Variants in DGKH observed in about 807,000 individuals in gnomAD.
DGKH encodes the protein diacylglycerol kinase eta.
Under a neutral mutation model 159.3 loss-of-function variants are expected in DGKH, and 90 were observed. The ratio of observed to expected loss-of-function variants is 0.57; its 90% CI spans 0.48 to 0.67. DGKH has a LOEUF of 0.67. DGKH is among the 30% of genes least tolerant of loss of function. The pLI is 0.00. For synonymous variants in DGKH, 536 were observed against 553.8 expected, an observed-to-expected ratio of 0.97 and a Z score of 0.45; for missense variants, 1,181 against 1,506.1, an observed-to-expected ratio of 0.78 and a Z score of 3.57.
At chr13:42,077,503 A>G (rs911420788) in intron 1 of DGKH, among the ~76,000 whole-genome samples, 4 of 152,208 alleles carry the variant, frequency 2.6e-5, no homozygotes, top group Non-Finnish European at 5.9e-5. Flanking sequence ...TCCAAGATAT[A>G]AAAAAGGATC....
intron 11 of DGKH, among the ~76,000 whole-genome samples, chr13:42,172,074 C>T (rs188938898): frequency 8.6e-4 from 130 of 151,632 alleles, no homozygotes; most frequent in Admixed American, 6.1e-3. Flanking sequence ...GTGATCCGCC[C>T]GCCTCGGCCT....
In DGKH at chr13:42,189,169, C is replaced by T. The variant is rs543303090; in HGVS notation, c.1772C>T (p.Ser591Phe). Residue 591 changes from serine to phenylalanine, a missense_variant, in exon 15 of 30, where the codon TCC becomes TTC. Ser to Phe is a radical substitution (Grantham distance 155). This residue lies in a region of DGKH where 257 missense variants were observed against 281.5 expected (regional missense o/e 0.91). Transcript: ENST00000337343. The part of the protein sequence containing the change: ...EDAVESSSEE[S>F]LGESKEQLGD... ...GCTGTGGAATCGTCCAGTGAAGAGTCCCTGGGTGAAAGCAAAGAGCAGCTT... is the reference window on the plus strand; with the variant it reads ...GCTGTGGAATCGTCCAGTGAAGAGTTCCTGGGTGAAAGCAAAGAGCAGCTT... The T allele has an allele frequency of 6.2e-7, 1 of 1,614,230 alleles. No individual in the cohort carries two copies. Among genetic ancestry groups the T allele is most frequent in the African/African-American group, 1.3e-5 (1 of 75,062 alleles).
intron 21 of DGKH, among the ~76,000 whole-genome samples, chr13:42,206,604 G>A (rs185384540): frequency 6.7e-6 from 1 of 150,084 alleles, no homozygotes; most frequent in African/African-American, 2.5e-5. Flanking sequence ...CAAGGTGTCA[G>A]CTGGGCTGTT....
At chr13:42,151,611 A>ACCC (rs1477125673) in intron 3 of DGKH, among the ~76,000 whole-genome samples, 2 of 100,570 alleles carry the variant, frequency 2.0e-5, no homozygotes, top group Non-Finnish European at 4.2e-5. Context: ...ACACACACAC[A>ACCC]CACCCCATGG....
rs147915717 is a variant in DGKH at position 42,183,076 on chromosome 13, C to A, written c.1539-3973C>A. On this transcript the variant is annotated intron_variant, in intron 13 of 29. Transcript: ENST00000337343. The stretch of plus-strand genomic sequence containing the variant: ...GGCCAAGGTGGGAGGATTACTTGAG[C>A]CCAGGAGTTCAAGACCAGCCTGGGC... 3.6e-3 allele frequency among the ~76,000 whole-genome samples: 543 copies of A among 152,140 alleles called. 7 individuals carry two copies. The East Asian group carries it at 0.047, about 13-fold the overall frequency.
chr13:42,155,404 G>C lies in DGKH; in HGVS notation c.489+9G>C, dbSNP rs1469759764. 49 of 1,604,506 alleles carry C rather than the reference G, an allele frequency of 3.1e-5. No homozygotes were observed. Among genetic ancestry groups the C allele is most frequent in the Non-Finnish European group, 4.2e-5 (49 of 1,174,678 alleles). On this transcript the variant is annotated intron_variant, in intron 4 of 29. Transcript: ENST00000337343. ...CCAGAGAACCCTACGAGGTAAAATA[G>C]CATCTTTTCTTTCATCTCGTGTTCT...
intron 28 of DGKH, 24 bp from the exon 29 acceptor site, chr13:42,221,240 G>A: frequency 6.8e-6 from 11 of 1,611,914 alleles, no homozygotes; most frequent in Non-Finnish European, 7.6e-6. Context: ...GAAATTAAGG[G>A]GGTTTTGCTC....
At chr13:42,248,597 G>A (rs1426876329) in intron 29 of DGKH, among the ~76,000 whole-genome samples, 2 of 145,414 alleles carry the variant, frequency 1.4e-5, no homozygotes, top group Non-Finnish European at 3.0e-5. Flanking sequence ...TAATTTCAAT[G>A]TAATAATTTA....
At chr13:42,219,135 T>C in intron 26 of DGKH, 95 bp from the exon 27 acceptor site, 2 of 1,479,384 alleles carry the variant, frequency 1.4e-6, no homozygotes, top group Non-Finnish European at 1.8e-6. Flanking sequence ...TAATAAGGAG[T>C]GAGGCTGTTC....
intron 24 of DGKH, among the ~76,000 whole-genome samples, chr13:42,212,539 A>G (rs1458727484): frequency 6.6e-6 from 1 of 152,174 alleles, no homozygotes; most frequent in Non-Finnish European, 1.5e-5. Flanking sequence ...TCATCCTGTG[A>G]ACCAACCAAA....
chr13:42,095,152 AC>A (rs1954497686), intron 1 of DGKH, among the ~76,000 whole-genome samples: 2 of 93,932 alleles, frequency 2.1e-5, no homozygotes, highest in South Asian at 7.1e-4. Context: ...ATAAATGTTG[AC>A]TCCTTTTTTT....
chr13:42,163,497 A>G (rs1053150540), intron 7 of DGKH, among the ~76,000 whole-genome samples: 11 of 151,908 alleles, frequency 7.2e-5, no homozygotes, highest in Non-Finnish European at 1.5e-4. Context: ...AAGTGTTCCT[A>G]TTTCTCCACA....
At chr13:42,053,704 C>T (rs926210076) in intron 1 of DGKH, among the ~76,000 whole-genome samples, 11 of 151,492 alleles carry the variant, frequency 7.3e-5, no homozygotes, top group South Asian at 4.2e-4. Flanking sequence ...CTGCAACCTC[C>T]GCCTCCTGGG....
At chr13:42,173,715 A>G (rs776807920) in intron 11 of DGKH, among the ~76,000 whole-genome samples, 3 of 152,220 alleles carry the variant, frequency 2.0e-5, no homozygotes, top group Non-Finnish European at 2.9e-5. Flanking sequence ...ACAGAAAAGA[A>G]TGGAAAAGTC....
In DGKH at chr13:42,215,572, T is replaced by C; in HGVS notation, c.3121-3T>C. On this transcript the variant is annotated splice_region_variant and splice_polypyrimidine_tract_variant and intron_variant, in intron 25 of 29. Coordinates refer to ENST00000337343, the MANE Select transcript of DGKH (RefSeq NM_178009.5). ...ACATGTCTTTGATATTCTTCTTTTC[T>C]AGAGTCTTACAAGAGACACTGCCAC... The C allele has an allele frequency of 6.2e-7, 1 of 1,602,192 alleles. No homozygotes were observed. Among genetic ancestry groups the C allele is most frequent in the Non-Finnish European group, 8.5e-7 (1 of 1,171,860 alleles).
chr13:42,148,478 T>C (rs1955793110), intron 3 of DGKH, among the ~76,000 whole-genome samples: 2 of 152,154 alleles, frequency 1.3e-5, no homozygotes, highest in African/African-American at 4.8e-5. Context: ...AGTGCTCCTA[T>C]GCACAGCAGC....
At chr13:42,097,980 A>G (rs188071604) in intron 1 of DGKH, among the ~76,000 whole-genome samples, 2 of 152,242 alleles carry the variant, frequency 1.3e-5, no homozygotes, top group East Asian at 1.9e-4. Flanking sequence ...TGCTAAGTCA[A>G]TTCTCAGCCA....
chr13:42,224,457 A>C (rs945681846), intron 29 of DGKH, among the ~76,000 whole-genome samples: 7 of 152,190 alleles, frequency 4.6e-5, no homozygotes, highest in African/African-American at 1.7e-4. Context: ...TTTTGCTTGT[A>C]TAAGATCAAT....
rs1282628642 is a variant in DGKH, at chr13:42,127,523, C to T, written c.253C>T (p.Arg85Ter). Reference protein sequence around the residue: ...QTSSFQRWKKRYFKLRGRTLY... With the variant: ...QTSSFQRWKK ...CAGTTCTTTCCAAAGGTGGAAAAAGCGATACTTCAAACTTCGAGGCCGCAC... is the reference window on the plus strand; with the variant it reads ...CAGTTCTTTCCAAAGGTGGAAAAAGTGATACTTCAAACTTCGAGGCCGCAC... The change falls in exon 2 of 30, where the codon CGA becomes TGA. Residue 85 changes from arginine to a stop codon, truncating the protein, a stop_gained. Coordinates refer to ENST00000337343, the MANE Select transcript of DGKH (RefSeq NM_178009.5). LOFTEE classifies it high-confidence loss of function. 2.5e-6 allele frequency: 4 copies of T among 1,613,742 alleles called. No individual in the cohort carries two copies. Among genetic ancestry groups the T allele is most frequent in the South Asian group, 1.1e-5 (1 of 91,064 alleles).
Sources: gnomAD v4.1 joint callset for allele counts (sites outside exome capture counted in the v4.1 genomes callset) on GRCh38, gnomAD v4.1.1 for gene constraint, gnomAD v4.1.1 regional missense constraint, MANE v1.5 for transcripts, NCBI Gene and HGNC (gene_info 2026-07-23, HGNC 2026-07-21) for gene names.